Variants in HERC1 observed in about 807,000 individuals in gnomAD.
HERC1 encodes probable E3 ubiquitin-protein ligase HERC1.
HERC1 carries 160 observed loss-of-function variants against 554.3 expected under a neutral mutation model. The observed-to-expected ratio is 0.29, with a 90% CI of 0.25 to 0.33. The LOEUF (loss-of-function observed/expected upper bound fraction) is 0.33. Among genes scored for constraint, HERC1 ranks in the 10% least tolerant of loss-of-function variants. HERC1 has a pLI of 1.00. For synonymous variants in HERC1, 2,175 were observed against 2,131.7 expected (o/e 1.02, Z -0.56); for missense variants, 4,919 against 5,918.5 (o/e 0.83, Z 5.54).
intron 12 of HERC1, among the ~76,000 whole-genome samples, chr15:63,743,263 C>T (rs200327738): frequency 1.7e-3 from 185 of 109,142 alleles, no homozygotes; most frequent in Middle Eastern, 5.6e-3. Context: ...TTTTCTTTTT[C>T]TTTTTTTTTT....
In HERC1 at chr15:63,758,080, C is replaced by T. The variant is rs909932634; in HGVS notation, c.1221+95G>A. The T allele has an allele frequency of 3.5e-6, 3 of 856,396 alleles. No homozygotes were observed. The highest frequency in any genetic ancestry group is 5.3e-6 in the Non-Finnish European group (3 of 562,154). 53.0% of individuals were successfully genotyped at this position (856,396 alleles called of 1,614,324 possible). ...ACCAGAAATAACCATCGATAATTTT[C>T]ACTCATTTAAAAAATACTCAGTATT... On this transcript the variant is annotated intron_variant, in intron 4 of 77. Transcript: ENST00000443617. This position sits in a 1 kb window ranked among gnomAD's most constrained non-coding sequence, Gnocchi z 4.0.
chr15:63,829,475 TATAAA>T (rs1350669361), intron 1 of HERC1, among the ~76,000 whole-genome samples: 3,105 of 43,500 alleles, frequency 0.071, 158 homozygotes, highest in African/African-American at 0.19. Flanking sequence ...TATATGTTTA[TATAAA>T]TATATATATA....
At chr15:63,761,630 G>A (rs1021971087) in intron 3 of HERC1, among the ~76,000 whole-genome samples, 2 of 151,318 alleles carry the variant, frequency 1.3e-5, no homozygotes, top group African/African-American at 4.9e-5. Context: ...TAACTATATG[G>A]CCTATATAGA....
rs776332804 is a variant in HERC1 at position 63,612,563 on chromosome 15, C to G, written c.14095-7G>C. The G allele has an allele frequency of 6.2e-7, 1 of 1,610,256 alleles. No homozygotes were observed. The highest frequency in any genetic ancestry group is 8.5e-7 in the Non-Finnish European group (1 of 1,177,684). The stretch of plus-strand genomic sequence containing the variant: ...CTTCTCGGACTGCAGCCACCTGCTC[C>G]CGGGAGAGGTTGCTCATTCAATGAG... On this transcript the variant is annotated splice_polypyrimidine_tract_variant and splice_region_variant and intron_variant, in intron 76 of 77. Transcript: ENST00000443617. This position sits in a 1 kb window ranked among gnomAD's most constrained non-coding sequence, Gnocchi z 5.0.
intron 45 of HERC1, 129 bp downstream of exon 45, chr15:63,661,624 A>G: frequency 1.0e-6 from 1 of 955,440 alleles, no homozygotes; most frequent in Non-Finnish European, 1.6e-6. Context: ...CCTTCTGCCC[A>G]AAGTGTAAGA....
intron 1 of HERC1, among the ~76,000 whole-genome samples, chr15:63,799,970 A>C (rs2076927430): frequency 6.6e-6 from 1 of 152,058 alleles, no homozygotes; most frequent in Non-Finnish European, 1.5e-5. Flanking sequence ...TCTTTACAGA[A>C]AAAAATATTT....
At chr15:63,673,267 G>A (rs907465113) in intron 38 of HERC1, among the ~76,000 whole-genome samples, 1 of 151,910 alleles carries the variant, frequency 6.6e-6, no homozygotes, top group African/African-American at 2.4e-5. Context: ...ACTAAAATAT[G>A]AGTTGCTACA....
At chr15:63,814,485 A>T (rs1003646916) in intron 1 of HERC1, among the ~76,000 whole-genome samples, 1 of 152,162 alleles carries the variant, frequency 6.6e-6, no homozygotes, top group African/African-American at 2.4e-5. Flanking sequence ...TTTGAGATAC[A>T]GTCTGGCTCT....
At chr15:63,818,139 T>C (rs2077559142) in intron 1 of HERC1, among the ~76,000 whole-genome samples, 1 of 152,030 alleles carries the variant, frequency 6.6e-6, no homozygotes, top group Non-Finnish European at 1.5e-5. Flanking sequence ...TATAGCTCTC[T>C]GTGAAAAAAA....
intron 2 of HERC1, among the ~76,000 whole-genome samples, chr15:63,764,833 C>T (rs542224258): frequency 2.0e-5 from 3 of 152,314 alleles, no homozygotes; most frequent in Middle Eastern, 6.8e-3. Context: ...AACTTGTGAT[C>T]AGCAACTTGC....
intron 1 of HERC1, among the ~76,000 whole-genome samples, chr15:63,785,033 A>G (rs2076397743): frequency 1.3e-5 from 2 of 152,234 alleles, no homozygotes; most frequent in South Asian, 2.1e-4. Context: ...AATTATCTAG[A>G]AAGTTATATA....
intron 60 of HERC1, among the ~76,000 whole-genome samples, 156 bp from the exon 61 acceptor site, chr15:63,640,601 G>C (rs2152838450): frequency 6.6e-6 from 1 of 152,314 alleles, no homozygotes; most frequent in Admixed American, 6.5e-5. Context: ...GAGTTGTACA[G>C]ATAGTACCGA....
At position 63,705,239 on chromosome 15, in the gene HERC1, G is replaced by A. The variant is rs564661757; in HGVS notation, c.4636+1541C>T. ...CATGATCACAGTACCCTGCAACTTCGAATTCCTGGGCTCCTGTGATTTTCT... is the reference window on the plus strand; with the variant it reads ...CATGATCACAGTACCCTGCAACTTCAAATTCCTGGGCTCCTGTGATTTTCT... On this transcript the variant is annotated intron_variant, in intron 25 of 77. Coordinates refer to ENST00000443617, the MANE Select transcript of HERC1 (RefSeq NM_003922.4). Among the ~76,000 whole-genome samples the A allele has an allele frequency of 1.1e-3, 168 of 151,800 alleles. 2 individuals are homozygous for A. The highest frequency in any genetic ancestry group is 3.4e-3 in the African/African-American group (142 of 41,374).
At chr15:63,738,860 T>A (rs2074662141) in intron 12 of HERC1, among the ~76,000 whole-genome samples, 1 of 152,196 alleles carries the variant, frequency 6.6e-6, no homozygotes, top group Admixed American at 6.5e-5. Flanking sequence ...TTTACCCTTT[T>A]CAAAATCTTA....
intron 24 of HERC1, among the ~76,000 whole-genome samples, chr15:63,711,877 T>C (rs1431356759): frequency 1.3e-5 from 2 of 152,154 alleles, no homozygotes; most frequent in East Asian, 1.9e-4. Flanking sequence ...TCATAGCACA[T>C]ATAGAATCAC....
At chr15:63,759,273 C>T (rs540209966) in intron 3 of HERC1, among the ~76,000 whole-genome samples, 3 of 151,968 alleles carry the variant, frequency 2.0e-5, no homozygotes, top group East Asian at 1.9e-4. Flanking sequence ...CTAAAAACAG[C>T]GAAGGCACAA....
At chr15:63,818,172 T>A (rs539497826) in intron 1 of HERC1, among the ~76,000 whole-genome samples, 42 of 152,288 alleles carry the variant, frequency 2.8e-4, no homozygotes, top group African/African-American at 9.9e-4. Flanking sequence ...TATTTATTTT[T>A]AAATTTTTTT....
intron 1 of HERC1, among the ~76,000 whole-genome samples, chr15:63,804,476 C>T (rs2077077450): frequency 1.3e-5 from 2 of 151,578 alleles, no homozygotes; most frequent in Non-Finnish European, 2.9e-5. Flanking sequence ...ATTCCAGCTA[C>T]TTGGGAGGCT....
intron 34 of HERC1, among the ~76,000 whole-genome samples, chr15:63,684,728 C>T (rs1042422396): frequency 6.6e-6 from 1 of 152,092 alleles, no homozygotes; most frequent in African/African-American, 2.4e-5. Context: ...CTATGTTGGG[C>T]CAGGCGCGGT....
Sources: gnomAD v4.1 joint callset for allele counts (sites outside exome capture counted in the v4.1 genomes callset) on GRCh38, gnomAD v4.1.1 for gene constraint, Gnocchi (gnomAD v3.1) non-coding constraint, MANE v1.5 for transcripts, NCBI Gene and HGNC (gene_info 2026-07-23, HGNC 2026-07-21) for gene names.